Variants in OSBP observed in about 807,000 individuals in gnomAD.
OSBP encodes the protein oxysterol binding protein.
Under a neutral mutation model 96.6 loss-of-function variants are expected in OSBP, and 32 were observed. That is an observed-to-expected ratio of 0.33 (90% CI 0.25 to 0.45). The LOEUF is 0.45. Among genes scored for constraint, OSBP ranks in the 20% least tolerant of loss-of-function variants. The pLI, the probability that OSBP is intolerant of heterozygous loss-of-function variation, is 1.00. For missense variants in OSBP, 653 were observed against 1,029.7 expected (o/e 0.63, Z 5.01); for synonymous variants, 369 against 389.6 (o/e 0.95, Z 0.62).
At chr11:59,596,766 C>T (rs1860664164) in intron 7 of OSBP, among the ~76,000 whole-genome samples, 1 of 152,116 alleles carries the variant, frequency 6.6e-6, no homozygotes, top group South Asian at 2.1e-4. Context: ...AAACTAGAGC[C>T]ACGTAGGTGC....
intron 3 of OSBP, among the ~76,000 whole-genome samples, chr11:59,608,114 C>T (rs1860805023): frequency 6.6e-6 from 1 of 150,556 alleles, no homozygotes; most frequent in Non-Finnish European, 1.5e-5. Context: ...TGAAATGAGA[C>T]AAAAATAAAT....
At chr11:59,595,944 A>AAAAT (rs139081696) in intron 7 of OSBP, among the ~76,000 whole-genome samples, 17,850 of 138,384 alleles carry the variant, frequency 0.13, 1,286 homozygotes, top group Admixed American at 0.2. Context: ...ACTCTGTCTA[A>AAAAT]AAATAAATAA....
chr11:59,606,029 A>C (rs1328029267), intron 3 of OSBP, among the ~76,000 whole-genome samples: 4 of 152,198 alleles, frequency 2.6e-5, no homozygotes, highest in African/African-American at 9.6e-5. Context: ...TTAGTTGAGG[A>C]AATTAGAGAA....
At chr11:59,600,956 T>C in intron 5 of OSBP, 83 bp from the exon 6 acceptor site, 1 of 1,154,966 alleles carries the variant, frequency 8.7e-7, no homozygotes, top group Non-Finnish European at 1.3e-6. Context: ...CAAAGCAGAA[T>C]GCCAAGTACA....
chr11:59,607,745 C>T (rs945649559), intron 3 of OSBP, among the ~76,000 whole-genome samples: 2 of 152,130 alleles, frequency 1.3e-5, no homozygotes, highest in African/African-American at 4.8e-5. Flanking sequence ...ATCAATACAT[C>T]GGTAATGCCA....
At chr11:59,592,411 T>C (rs1860596440) in intron 9 of OSBP, among the ~76,000 whole-genome samples, 1 of 152,170 alleles carries the variant, frequency 6.6e-6, no homozygotes, top group Non-Finnish European at 1.5e-5. Flanking sequence ...TGAGCAAAGG[T>C]GAATTCATTA....
In OSBP at chr11:59,615,562, C is replaced by T. The variant is rs568719199; in HGVS notation, c.103G>A (p.Gly35Ser). 32 of 1,363,570 alleles carry T rather than the reference C, an allele frequency of 2.3e-5. No individual in the cohort carries two copies. The African/African-American group carries it at 4.7e-4, about 20-fold the overall frequency. 84.5% of individuals were successfully genotyped at this position (1,363,570 alleles called of 1,614,324 possible). ...GAGCCTGGCCCCGCATCTCCGCGGC[C>T]GCCGCCTCCTCCCACCACTGGGGGA... ...AGPPVVGGGG[G>S]RGDAGPGSGA... Residue 35 changes from glycine (G) to serine (S), a missense_variant, in exon 1 of 14, where the codon GGC (glycine) becomes AGC (serine). Around this residue, in one of 6 missense-constraint regions of OSBP, gnomAD observed 151 missense variants for 146.1 expected, o/e 1.03. Coordinates refer to ENST00000263847, the MANE Select transcript of OSBP (RefSeq NM_002556.3).
intron 7 of OSBP, among the ~76,000 whole-genome samples, chr11:59,596,587 A>C (rs576030032): frequency 7.0e-4 from 72 of 102,418 alleles, no homozygotes; most frequent in Admixed American, 3.1e-3. Context: ...TTAGGCACCC[A>C]AAAAAAAAAA....
At chr11:59,594,310 T>C in intron 7 of OSBP, 55 bp from the exon 8 acceptor site, 1 of 1,558,396 alleles carries the variant, frequency 6.4e-7, no homozygotes, top group Non-Finnish European at 8.7e-7. Context: ...TAAGAGACAG[T>C]TTAATTTTTT....
intron 12 of OSBP, 125 bp downstream of exon 12, chr11:59,578,024 A>C: frequency 1.2e-6 from 1 of 848,354 alleles, no homozygotes; most frequent in South Asian, 1.7e-5. Flanking sequence ...ATCTCTCCAA[A>C]AGTCTCAATT....
Position 59,615,680 on chromosome 11 carries a change from G to A in OSBP, c.-16C>T. The A allele has an allele frequency of 7.6e-7, 1 of 1,307,894 alleles. No homozygotes were observed. The highest frequency in any genetic ancestry group is 9.7e-7 in the Non-Finnish European group (1 of 1,029,352). The allele number at this position is 1,307,894 out of a possible 1,614,324, so 81.0% of individuals were successfully genotyped here. On this transcript the variant is annotated 5_prime_UTR_variant, in exon 1 of 14. Transcript: ENST00000263847. Reference sequence around the variant, plus strand: ...TCGCCGCCATGAGCCGCCGCCGCCTGGAGATACAAGACCGGAACCGCCTAC... The same window carrying A: ...TCGCCGCCATGAGCCGCCGCCGCCTAGAGATACAAGACCGGAACCGCCTAC...
chr11:59,603,942 C>G (rs957104440), intron 3 of OSBP, among the ~76,000 whole-genome samples: 1 of 152,134 alleles, frequency 6.6e-6, no homozygotes, highest in African/African-American at 2.4e-5. Flanking sequence ...TGCTTCCTTC[C>G]TCACAGCCAG....
Position 59,613,300 on chromosome 11 carries a change from A to T in OSBP, c.362+2003T>A, listed in dbSNP as rs546632131. ...TTTGGTATGTTTTGGAAGGAGTTTT[A>T]TATGTAGTCAGACAGGTACCACTAG... On this transcript the variant is annotated intron_variant, in intron 1 of 13. Coordinates refer to ENST00000263847, the MANE Select transcript of OSBP (RefSeq NM_002556.3). Among the ~76,000 whole-genome samples, 3 of 152,334 alleles carry T rather than the reference A, an allele frequency of 2.0e-5. No homozygotes were observed. The Middle Eastern group carries it at 0.01, about 518-fold the overall frequency.
At chr11:59,609,593 C>T (rs1223655250) in intron 2 of OSBP, among the ~76,000 whole-genome samples, 1 of 152,094 alleles carries the variant, frequency 6.6e-6, no homozygotes. Flanking sequence ...AGTGAATTCT[C>T]CTTTCACTGA....
At chr11:59,596,344 C>T (rs1370477491) in intron 7 of OSBP, among the ~76,000 whole-genome samples, 1 of 152,172 alleles carries the variant, frequency 6.6e-6, no homozygotes, top group Non-Finnish European at 1.5e-5. Context: ...TGGGGACAGG[C>T]AGTGTACTCC....
chr11:59,582,586 G>A (rs1016676931), intron 9 of OSBP, among the ~76,000 whole-genome samples: 3 of 152,156 alleles, frequency 2.0e-5, no homozygotes, highest in Non-Finnish European at 2.9e-5. Context: ...CCTGAGTTGA[G>A]TCATTTTAAT....
intron 9 of OSBP, among the ~76,000 whole-genome samples, chr11:59,585,655 G>A (rs985543750): frequency 1.7e-4 from 26 of 152,344 alleles, no homozygotes; most frequent in Admixed American, 8.5e-4. Flanking sequence ...CCACCACCCC[G>A]TCTGGGAGGT....
At chr11:59,608,834 G>T in intron 2 of OSBP, 100 bp from the exon 3 acceptor site, 1 of 1,194,928 alleles carries the variant, frequency 8.4e-7, no homozygotes, top group Non-Finnish European at 1.2e-6. Flanking sequence ...TCCTCATGCT[G>T]TGTGCATTCT....
chr11:59,593,291 A>C (rs1319804818), intron 9 of OSBP, among the ~76,000 whole-genome samples: 2 of 152,116 alleles, frequency 1.3e-5, no homozygotes, highest in African/African-American at 2.4e-5. Flanking sequence ...AAGGAAGAAA[A>C]CACCACCAGT....
Sources: gnomAD v4.1 joint callset for allele counts (sites outside exome capture counted in the v4.1 genomes callset) on GRCh38, gnomAD v4.1.1 for gene constraint, gnomAD v4.1.1 regional missense constraint, MANE v1.5 for transcripts, NCBI Gene and HGNC (gene_info 2026-07-23, HGNC 2026-07-21) for gene names.